Variants in SULF1 observed in about 807,000 individuals in gnomAD.
The protein encoded by SULF1 is sulfatase 1.
A neutral mutation model predicts 110.5 loss-of-function variants in SULF1; 46 were observed. The observed-to-expected ratio is 0.42, with a 90% CI of 0.33 to 0.53. The LOEUF (loss-of-function observed/expected upper bound fraction) is 0.53, where lower values mean the gene tolerates loss of function less well. SULF1 is among the 20% of genes least tolerant of loss of function. The pLI, the probability that SULF1 is intolerant of heterozygous loss-of-function variation, is 0.12. For synonymous variants in SULF1, 371 were observed against 387.1 expected (o/e 0.96, Z 0.49); for missense variants, 941 against 1,094.2 (o/e 0.86, Z 1.98).
At chr8:69,656,357 C>T (rs769053895) in intron 22 of SULF1, among the ~76,000 whole-genome samples, 4 of 152,088 alleles carry the variant, frequency 2.6e-5, no homozygotes, top group African/African-American at 7.2e-5. Context: ...GTGCAGGATG[C>T]GCAGGTTTGT....
At chr8:69,533,617 T>G (rs577017750) in intron 3 of SULF1, among the ~76,000 whole-genome samples, 1 of 152,338 alleles carries the variant, frequency 6.6e-6, no homozygotes, top group Non-Finnish European at 1.5e-5. Flanking sequence ...TATTCCATGG[T>G]GTATATGTAC....
chr8:69,636,364 G>C (rs997432951), intron 19 of SULF1, among the ~76,000 whole-genome samples: 2 of 152,086 alleles, frequency 1.3e-5, no homozygotes, highest in Admixed American at 6.5e-5. Flanking sequence ...GTGAAACCCC[G>C]TCTCTACTAA....
intron 1 of SULF1, among the ~76,000 whole-genome samples, chr8:69,467,288 A>G (rs1184735238): frequency 6.6e-6 from 1 of 152,246 alleles, no homozygotes; most frequent in Non-Finnish European, 1.5e-5. Flanking sequence ...AGCTTTCAAA[A>G]TTAAAATTCA....
At chr8:69,545,229 A>G (rs927038403) in intron 3 of SULF1, among the ~76,000 whole-genome samples, 7 of 152,104 alleles carry the variant, frequency 4.6e-5, no homozygotes, top group Non-Finnish European at 8.8e-5. Context: ...ACTTACCTCT[A>G]TCAATTTCAT....
Position 69,500,444 on chromosome 8 carries a change from G to A in SULF1, c.-228-1430G>A, listed in dbSNP as rs188737360. On this transcript the variant is annotated intron_variant, in intron 2 of 22. Transcript: ENST00000402687. ...ATCTCATTCCAGACTCAGCTGCCCG[G>A]TAGCATATTCAGAACAGTCTCAGAA... 1.1e-4 allele frequency among the ~76,000 whole-genome samples: 17 copies of A among 152,302 alleles called. No individual in the cohort carries two copies. In the East Asian group the frequency reaches 2.5e-3, roughly 23 times the overall value.
At chr8:69,616,202 ATG>A (rs1316175180) in intron 13 of SULF1, among the ~76,000 whole-genome samples, 1 of 140,592 alleles carries the variant, frequency 7.1e-6, no homozygotes, top group East Asian at 2.0e-4. Flanking sequence ...ACACATATAT[ATG>A]TGTGTGTATA....
chr8:69,560,199 C>G (rs778502678), intron 3 of SULF1, among the ~76,000 whole-genome samples: 2 of 152,084 alleles, frequency 1.3e-5, no homozygotes, highest in Non-Finnish European at 2.9e-5. Context: ...ACCAAGCTGC[C>G]CAGCCAAAGT....
intron 22 of SULF1, chr8:69,642,313 C>T: frequency 1.8e-5 from 18 of 987,190 alleles, no homozygotes; most frequent in Non-Finnish European, 2.2e-5. Context: ...GGTCATTAGT[C>T]CACCAAGAAG....
intron 13 of SULF1, among the ~76,000 whole-genome samples, chr8:69,619,359 C>T (rs1809421636): frequency 6.6e-6 from 1 of 152,156 alleles, no homozygotes; most frequent in African/African-American, 2.4e-5. Flanking sequence ...ATTCTTCCTG[C>T]CTCCCCAATT....
intron 1 of SULF1, among the ~76,000 whole-genome samples, chr8:69,484,216 A>C (rs951443630): frequency 6.6e-6 from 1 of 152,254 alleles, no homozygotes; most frequent in Non-Finnish European, 1.5e-5. Flanking sequence ...TCTGAAATTA[A>C]GATAATGCTT....
At chr8:69,653,645 A>T (rs1163207747) in intron 22 of SULF1, among the ~76,000 whole-genome samples, 1 of 152,172 alleles carries the variant, frequency 6.6e-6, no homozygotes, top group African/African-American at 2.4e-5. Context: ...ATCATTGGCC[A>T]TTGGTAGTTA....
intron 22 of SULF1, among the ~76,000 whole-genome samples, chr8:69,649,830 A>G (rs1293218463): frequency 1.3e-5 from 2 of 152,022 alleles, no homozygotes; most frequent in Admixed American, 6.6e-5. Flanking sequence ...TGAAGCCACT[A>G]TAATTTTTTT....
chr8:69,497,732 A>G (rs970289478), intron 2 of SULF1, among the ~76,000 whole-genome samples: 1 of 152,188 alleles, frequency 6.6e-6, no homozygotes, highest in African/African-American at 2.4e-5. Flanking sequence ...CAGAGCCAGG[A>G]AATGCAGCTT....
chr8:69,586,550 G>A, intron 7 of SULF1, 42 bp downstream of exon 7: 5 of 1,584,542 alleles, frequency 3.2e-6, no homozygotes, highest in Non-Finnish European at 3.4e-6. Context: ...TTTACTTTGT[G>A]CATAATGGGG....
chr8:69,614,564 A>C (rs373723803), intron 13 of SULF1, among the ~76,000 whole-genome samples: 3 of 152,274 alleles, frequency 2.0e-5, no homozygotes, highest in South Asian at 2.1e-4. Flanking sequence ...ATTTGATTCC[A>C]CCAAACTAGC....
intron 6 of SULF1, among the ~76,000 whole-genome samples, chr8:69,579,534 G>A (rs1805905546): frequency 7.5e-6 from 1 of 132,962 alleles, no homozygotes; most frequent in Admixed American, 8.3e-5. Flanking sequence ...GGGCAACAAA[G>A]CAAGACTCTG....
intron 7 of SULF1, among the ~76,000 whole-genome samples, 181 bp downstream of exon 7, chr8:69,586,689 T>C (rs576224767): frequency 5.9e-5 from 9 of 152,288 alleles, no homozygotes; most frequent in Admixed American, 2.0e-4. Context: ...AACGCTGCCT[T>C]TGTGTAGTGA....
chr8:69,469,602 CA>C (rs1809000102), intron 1 of SULF1, among the ~76,000 whole-genome samples: 2 of 152,172 alleles, frequency 1.3e-5, no homozygotes, highest in Admixed American at 6.5e-5. Flanking sequence ...TGACTTCATG[CA>C]GATTGTTGTA....
At position 69,492,996 on chromosome 8, in the gene SULF1, G is replaced by GA. The variant is rs1810039454; in HGVS notation, c.-520_-519insA. The GA allele has an allele frequency of 6.6e-6, 1 of 152,612 alleles. No individual in the cohort carries two copies. The allele number at this position is 152,612 out of a possible 1,614,324, so 9.5% of individuals were successfully genotyped here. A position where few individuals can be genotyped will look rare whatever the true frequency, so the allele number is the denominator to read the frequency against. ...GCTGCCGGCGCTCCTCGGAGGTCAGGGCAGATGAGGAACATGACTCTCCCC... is the reference window on the plus strand; with the variant it reads ...GCTGCCGGCGCTCCTCGGAGGTCAGGAGCAGATGAGGAACATGACTCTCCCC... On this transcript the variant is annotated 5_prime_UTR_variant, in exon 1 of 23. It removes the in-frame stop codon of an upstream open reading frame in the 5' UTR. Transcript: ENST00000402687.
Sources: allele counts gnomAD v4.1 joint callset (sites outside exome capture counted in the v4.1 genomes callset), GRCh38; gene constraint gnomAD v4.1.1; transcripts MANE v1.5; gene names NCBI Gene and HGNC (gene_info 2026-07-23, HGNC 2026-07-21).